The following CALCRL variants were observed in gnomAD, a reference collection of about 807,000 sequenced individuals.
CALCRL encodes calcitonin receptor like receptor.
CALCRL carries 27 observed loss-of-function variants against 60.4 expected under a neutral mutation model. That is an observed-to-expected ratio of 0.45 (90% confidence interval 0.33 to 0.62). CALCRL has a LOEUF of 0.62. Ranked by LOEUF, CALCRL falls within the 20% of genes least tolerant of loss-of-function variation. The pLI is 0.03. For synonymous variants in CALCRL, 190 were observed against 182.6 expected, an observed-to-expected ratio of 1.04 and a Z score of -0.33; for missense variants, 424 against 540.7, an observed-to-expected ratio of 0.78 and a Z score of 2.14.
chr2:187,421,331 C>T (rs902290895), intron 1 of CALCRL, among the ~76,000 whole-genome samples: 3 of 152,110 alleles, frequency 2.0e-5, no homozygotes, highest in Admixed American at 6.5e-5. Flanking sequence ...AGAAGCCTCT[C>T]GATATCAAAA....
chr2:187,352,233 C>A lies in CALCRL; in HGVS notation c.1009G>T (p.Ala337Ser), dbSNP rs567932011. The A allele has an allele frequency of 6.2e-7, 1 of 1,612,266 alleles. No homozygotes were observed. Among genetic ancestry groups the A allele is most frequent in the Non-Finnish European group, 8.5e-7 (1 of 1,178,836 alleles). The change falls in exon 13 of 15, where the codon GCT becomes TCT. Residue 337 changes from alanine to serine, a missense_variant. Around this residue, in one of 7 missense-constraint regions of CALCRL, gnomAD observed 222 missense variants for 265.6 expected, o/e 0.84. Transcript: ENST00000392370. ...AGCAATGGCACCAAGATAAGAGTAG[C>A]TCTCACAGCTTTCATGTACAGATTG... ...ESNLYMKAVR[A>S]TLILVPLLGI...
chr2:187,400,981 A>G (rs922824720), intron 1 of CALCRL, among the ~76,000 whole-genome samples: 2 of 151,546 alleles, frequency 1.3e-5, no homozygotes, highest in African/African-American at 2.4e-5. Context: ...GAGAATATAT[A>G]CAAACCATTG....
chr2:187,385,412 A>T, intron 4 of CALCRL, 133 bp downstream of exon 4: 1 of 567,484 alleles, frequency 1.8e-6, no homozygotes, highest in Non-Finnish European at 3.1e-6. Flanking sequence ...GAATGAAAAC[A>T]CATTATTGCT....
rs921246555 is a variant in CALCRL at position 187,388,806 on chromosome 2, A to G, written c.-292-1050T>C. ...TTTGCAAAACTCTATCATTTAATCC[A>G]TCCCTAAATATAAAAAAGTAATTGA... is the stretch of plus-strand genomic sequence containing the variant. On this transcript the variant is annotated intron_variant, in intron 1 of 14. Transcript: ENST00000392370. Among the ~76,000 whole-genome samples, 5 of 152,196 alleles carry G rather than the reference A, an allele frequency of 3.3e-5. No individual in the cohort carries two copies. In the South Asian group the frequency reaches 6.2e-4, roughly 19 times the overall value.
intron 1 of CALCRL, among the ~76,000 whole-genome samples, chr2:187,416,035 C>T (rs113957354): frequency 1.3e-5 from 2 of 152,088 alleles, no homozygotes; most frequent in African/African-American, 4.8e-5. Flanking sequence ...AACAAAGTCC[C>T]TTGTGCTCAG....
At chr2:187,394,535 ACT>A in intron 1 of CALCRL, among the ~76,000 whole-genome samples, 1 of 152,152 alleles carries the variant, frequency 6.6e-6, no homozygotes, top group South Asian at 2.1e-4. Flanking sequence ...CAAAGTAGTA[ACT>A]CTGCTTCCCA....
intron 1 of CALCRL, among the ~76,000 whole-genome samples, chr2:187,388,639 C>A (rs577032693): frequency 6.6e-6 from 1 of 152,026 alleles, no homozygotes; most frequent in South Asian, 2.1e-4. Flanking sequence ...AAATGCCAAC[C>A]TATTCAGCTT....
At chr2:187,420,986 C>T (rs779177895) in intron 1 of CALCRL, among the ~76,000 whole-genome samples, 30 of 152,094 alleles carry the variant, frequency 2.0e-4, no homozygotes, top group African/African-American at 4.6e-4. Context: ...CAATAATTTA[C>T]GTGTTGCCTT....
intron 1 of CALCRL, among the ~76,000 whole-genome samples, chr2:187,411,154 ATACTGAAAGAAATG>A (rs1689339065): frequency 6.6e-6 from 1 of 152,172 alleles, no homozygotes; most frequent in African/African-American, 2.4e-5. Context: ...CTCCCTAGAA[ATACTGAAAGAAATG>A]TACTGAAAGC....
chr2:187,389,104 G>A (rs1403457104), intron 1 of CALCRL, among the ~76,000 whole-genome samples: 4 of 138,786 alleles, frequency 2.9e-5, no homozygotes, highest in Non-Finnish European at 4.5e-5. Context: ...TCATGCTCTC[G>A]CTCTGTACCC....
intron 1 of CALCRL, among the ~76,000 whole-genome samples, chr2:187,425,875 A>G (rs1329495350): frequency 6.6e-6 from 1 of 151,958 alleles, no homozygotes; most frequent in Admixed American, 6.6e-5. Flanking sequence ...CTGTTATATC[A>G]TTTTTAAAAA....
At chr2:187,389,741 T>C (rs1688355472) in intron 1 of CALCRL, among the ~76,000 whole-genome samples, 1 of 152,172 alleles carries the variant, frequency 6.6e-6, no homozygotes. Context: ...AATATTTTAT[T>C]TAAGTAAATT....
At chr2:187,350,413 A>G (rs1391558706) in intron 14 of CALCRL, among the ~76,000 whole-genome samples, 1 of 150,198 alleles carries the variant, frequency 6.7e-6, no homozygotes, top group African/African-American at 2.4e-5. Flanking sequence ...TGATTTATCT[A>G]TTTTTTGTAA....
At chr2:187,375,814 T>C (rs1341745981) in intron 8 of CALCRL, among the ~76,000 whole-genome samples, 1 of 152,208 alleles carries the variant, frequency 6.6e-6, no homozygotes, top group Non-Finnish European at 1.5e-5. Flanking sequence ...AAACATTCTC[T>C]GGTTTTAAAT....
intron 14 of CALCRL, among the ~76,000 whole-genome samples, chr2:187,350,978 A>G (rs1478234193): frequency 6.6e-6 from 1 of 151,284 alleles, no homozygotes; most frequent in African/African-American, 2.4e-5. Flanking sequence ...GAGCTATAAC[A>G]CATTTGTATG....
intron 1 of CALCRL, among the ~76,000 whole-genome samples, chr2:187,430,411 G>A (rs759306624): frequency 2.4e-4 from 37 of 152,082 alleles, no homozygotes; most frequent in African/African-American, 5.6e-4. Flanking sequence ...CATTTATTAC[G>A]ATGATACATT....
At chr2:187,369,897 G>A (rs1687447966) in intron 8 of CALCRL, among the ~76,000 whole-genome samples, 1 of 152,140 alleles carries the variant, frequency 6.6e-6, no homozygotes, top group Admixed American at 6.5e-5. Context: ...AAAGCCCTGA[G>A]CTTAAAGTTT....
chr2:187,363,302 T>C, intron 9 of CALCRL, 74 bp downstream of exon 9: 1 of 1,406,752 alleles, frequency 7.1e-7, no homozygotes, highest in Non-Finnish European at 9.7e-7. Flanking sequence ...ATTATACACA[T>C]TATGCATATA....
chr2:187,346,972 A>G lies in CALCRL; in HGVS notation c.1171-573T>C, dbSNP rs1465453860. ...TCATGGAGCTTACTACATAGAGGAA[A>G]GAAAAGTGTTGAACAAATAATTATA... On this transcript the variant is annotated intron_variant, in intron 14 of 14. Coordinates refer to ENST00000392370, the MANE Select transcript of CALCRL (RefSeq NM_005795.6). Among the ~76,000 whole-genome samples, 3 of 151,966 alleles carry G rather than the reference A, an allele frequency of 2.0e-5. No homozygotes were observed. The East Asian group carries it at 5.8e-4, about 29-fold the overall frequency.
Sources: gnomAD v4.1 joint callset for allele counts (sites outside exome capture counted in the v4.1 genomes callset) on GRCh38, gnomAD v4.1.1 for gene constraint, gnomAD v4.1.1 regional missense constraint, MANE v1.5 for transcripts, NCBI Gene and HGNC (gene_info 2026-07-23, HGNC 2026-07-21) for gene names.